The following NXF3 variants were observed in gnomAD, a reference collection of about 807,000 sequenced individuals.
NXF3 encodes the protein TAP-like protein 3.
In NXF3, 34 loss-of-function variants were observed where a neutral mutation model predicts 48.4. That is an observed-to-expected ratio of 0.70 (90% CI 0.53 to 0.93). The LOEUF (loss-of-function observed/expected upper bound fraction) is 0.93. Ranked by LOEUF, NXF3 falls within the 40% of genes least tolerant of loss-of-function variation. The probability of loss-of-function intolerance (pLI) is 0.00; values close to 1 mark genes in which losing one functional copy is unlikely to be tolerated. For missense variants in NXF3, 359 were observed against 406.1 expected (o/e 0.88, Z 1.00); for synonymous variants, 132 against 145.7 (o/e 0.91, Z 0.68).
intron 9 of NXF3, chrX:103,081,342 C>T (rs756907536): frequency 9.0e-6 from 1 of 111,707 alleles, no homozygotes; most frequent in East Asian, 3.0e-4. Flanking sequence ...GGACAGGAGA[C>T]CTTCTCCCGG....
At chrX:103,078,111 T>G (rs1335896990) in intron 17 of NXF3, among the ~76,000 whole-genome samples, 2 of 111,730 alleles carry the variant, frequency 1.8e-5, no homozygotes, top group African/African-American at 6.5e-5. Flanking sequence ...AGGAAAGAAC[T>G]CATACTCTGA....
chrX:103,087,928 C>A lies in NXF3; in HGVS notation c.29-3045G>T, dbSNP rs1329286989. ...TACTAGGAATAAGGCTTTTTGAGCT[C>A]TTTTATTAAAGAAGAGGCATACAGA... On this transcript the variant is annotated intron_variant, in intron 1 of 19. Coordinates refer to ENST00000395065, the MANE Select transcript of NXF3 (RefSeq NM_022052.2). 12 of 940,856 alleles carry A rather than the reference C, an allele frequency of 1.3e-5. No homozygotes were observed. The South Asian group carries it at 2.4e-4, about 19-fold the overall frequency. The allele number at this position is 940,856 out of a possible 1,213,427, so 77.5% of individuals were successfully genotyped here. A position where few individuals can be genotyped will look rare whatever the true frequency, so the allele number is the denominator to read the frequency against.
chrX:103,079,764 G>A lies in NXF3; in HGVS notation c.1159C>T (p.Pro387Ser), dbSNP rs1156725380. ...SIPFNPEDSA[P>S]SSFCKFFKDS... ...CAGGGTCGGAGCTGTGATACTCACG[G>A]GGCTGAGTCCTCAGGATTGAAGGGA... Residue 387 changes from proline (P) to serine (S), a missense_variant and splice_region_variant, in exon 13 of 20, where the codon CCG becomes TCG. Pro to Ser is a moderately conservative substitution (Grantham distance 74, BLOSUM62 -1). Coordinates refer to ENST00000395065, the MANE Select transcript of NXF3 (RefSeq NM_022052.2). 8.3e-7 allele frequency: 1 copy of A among 1,208,903 alleles called. No individual in the cohort carries two copies. The highest frequency in any genetic ancestry group is 1.1e-6 in the Non-Finnish European group (1 of 893,115).
chrX:103,077,541 C>T (rs762148685), intron 18 of NXF3, 73 bp downstream of exon 18: 11 of 1,150,667 alleles, frequency 9.6e-6, no homozygotes, highest in South Asian at 9.4e-5. Flanking sequence ...CGTGAGCCAC[C>T]GCGCCCGGCC....
At position 103,082,346 on chromosome X, in the gene NXF3, T is replaced by A; in HGVS notation, c.799A>T (p.Met267Leu). Residue 267 changes from methionine to leucine, a missense_variant, in exon 9 of 20, where the codon ATG becomes TTG. By Grantham distance (15) the Met-to-Leu change is conservative (BLOSUM62 2). Coordinates refer to ENST00000395065, the MANE Select transcript of NXF3 (RefSeq NM_022052.2). ...GGCTCTATCCCTTTCCACTTGTCCA[T>A]CTCCCCTGCAGACATCACCTGCAAT... ...NIPTVMSAGE[M>L]DKWKGIEPGE... is the part of the protein sequence containing the mutation. 1 of 1,203,670 alleles carries A rather than the reference T, an allele frequency of 8.3e-7. No homozygotes were observed. Among genetic ancestry groups the A allele is most frequent in the Non-Finnish European group, 1.1e-6 (1 of 889,298 alleles).
chrX:103,078,219 C>T (rs1241491239), intron 17 of NXF3, among the ~76,000 whole-genome samples: 1 of 111,562 alleles, frequency 9.0e-6, no homozygotes, highest in Non-Finnish European at 1.9e-5. Flanking sequence ...GCCTCAACCT[C>T]CTGGGCTCAA....
chrX:103,077,417 AT>A (rs1391290421), intron 18 of NXF3, among the ~76,000 whole-genome samples, 196 bp downstream of exon 18: 1 of 108,846 alleles, frequency 9.2e-6, no homozygotes, highest in Non-Finnish European at 1.9e-5. Context: ...CGCCCAGCTA[AT>A]TTTTTTTCTA....
chrX:103,082,087 A>C, intron 9 of NXF3, 168 bp downstream of exon 9: 1 of 473,810 alleles, frequency 2.1e-6, no homozygotes, highest in Non-Finnish European at 3.8e-6. Flanking sequence ...AGAGGAAGGA[A>C]AGGAGATGTC....
rs752914909 is a variant in NXF3 at position 103,079,237 on chromosome X, G to A, written c.1362C>T (p.Asn454=). The A allele has an allele frequency of 2.0e-5, 24 of 1,209,617 alleles. No individual in the cohort carries two copies. The highest frequency in any genetic ancestry group is 2.3e-4 in the Middle Eastern group (1 of 4,349). Residue 454 remains asparagine (N), a synonymous_variant, in exon 16 of 20, where the codon AAC becomes AAT. Coordinates refer to ENST00000395065, the MANE Select transcript of NXF3 (RefSeq NM_022052.2). ...GACACTCACCTTCCTTGAACACCCC[G>A]TTGACAGAAAAGCAGAGCATCCATT... The part of the protein sequence containing the change: ...QTEWMLCFSV[N]GVFKEVEGQS...
At chrX:103,089,185 CA>C in intron 1 of NXF3, 1 of 699,121 alleles carries the variant, frequency 1.4e-6, no homozygotes. Context: ...TGTGGCAAAA[CA>C]TTCCGACAGG....
At chrX:103,081,456 C>T (rs1922008103) in intron 9 of NXF3, 1 of 112,790 alleles carries the variant, frequency 8.9e-6, no homozygotes, top group African/African-American at 3.2e-5. Context: ...CTCCTGTGCC[C>T]CTCTGTGCTG....
At chrX:103,080,847 T>C (rs1921990828) in intron 9 of NXF3, 1 of 412,800 alleles carries the variant, frequency 2.4e-6, no homozygotes, top group Non-Finnish European at 4.3e-6. Flanking sequence ...CTGCAGGGAG[T>C]AGGAAATGGG....
chrX:103,088,373 A>G (rs761474503), intron 1 of NXF3: 17 of 551,525 alleles, frequency 3.1e-5, no homozygotes, highest in Non-Finnish European at 3.1e-6. Context: ...CATGGAACAT[A>G]TAAAACAATT....
At chrX:103,080,341 T>A in intron 10 of NXF3, 125 bp from the exon 11 acceptor site, 1 of 721,539 alleles carries the variant, frequency 1.4e-6, no homozygotes, top group South Asian at 2.6e-5. Flanking sequence ...GGAAATTACG[T>A]GGGCAAGACT....
At position 103,078,577 on chromosome X, in the gene NXF3, G is replaced by A; in HGVS notation, c.1434C>T (p.Thr478=). The change falls in exon 17 of 20, where the codon ACC becomes ACT. Residue 478 remains threonine, a synonymous_variant. Transcript: ENST00000395065. ...VLAFTRTFIA[T]PGSSSSLCIV... ...GCACTAACCTGGAACTGCTGCCAGGGGTAGCAATGAAGGTCCGGGTGAAGG... is the reference window on the plus strand; with the variant it reads ...GCACTAACCTGGAACTGCTGCCAGGAGTAGCAATGAAGGTCCGGGTGAAGG... 2 of 1,212,159 alleles carry A rather than the reference G, an allele frequency of 1.6e-6. No homozygotes were observed. Among genetic ancestry groups the A allele is most frequent in the East Asian group, 3.0e-5 (1 of 33,849 alleles).
At chrX:103,083,300 TAAACACTAGG>T (rs750347417) in intron 5 of NXF3, 27 bp from the exon 6 acceptor site, 3 of 1,190,105 alleles carry the variant, frequency 2.5e-6, no homozygotes, top group Non-Finnish European at 3.4e-6. Context: ...AGGGGCTGAG[TAAACACTAGG>T]AACTCTGACC....
rs1362248322 is a variant in NXF3 at position 103,090,362 on chromosome X, G to A, written c.28+2634C>T. Among the ~76,000 whole-genome samples the A allele has an allele frequency of 7.1e-5, 8 of 111,938 alleles. No homozygotes were observed. The South Asian group carries it at 1.5e-3, about 21-fold the overall frequency. On this transcript the variant is annotated intron_variant, in intron 1 of 19. Transcript: ENST00000395065. ...TTTGATTAGTAAGGTAGTCATTCCTGTAGAGGGATAAGATGCTTGTAGAGT... is the reference window on the plus strand; with the variant it reads ...TTTGATTAGTAAGGTAGTCATTCCTATAGAGGGATAAGATGCTTGTAGAGT...
At position 103,087,496 on chromosome X, in the gene NXF3, C is replaced by A. The variant is rs948240164; in HGVS notation, c.29-2613G>T. 6.9e-6 allele frequency: 7 copies of A among 1,014,301 alleles called. No individual in the cohort carries two copies. In the African/African-American group the frequency reaches 1.3e-4, roughly 19 times the overall value. The allele number at this position is 1,014,301 out of a possible 1,213,427, so 83.6% of individuals were successfully genotyped here. ...TCTGAAGACATTTGTGAAGCACCAA[C>A]AACTTCACAATGAAACCTATCAGAA... On this transcript the variant is annotated intron_variant, in intron 1 of 19. Coordinates refer to ENST00000395065, the MANE Select transcript of NXF3 (RefSeq NM_022052.2).
rs2301387 is a variant in NXF3 at position 103,083,257 on chromosome X, T to A, written c.557A>T (p.Asn186Ile). ...EDNEKISIFV[N>I]PAGIPHFVHR... ...CACAAAGTGGGGTATGCCAGCAGGG[T>A]TGACAAAGATTGATATCTGCAGAGA... Residue 186 changes from asparagine (N) to isoleucine (I), a missense_variant, in exon 6 of 20, where the codon AAC (asparagine) becomes ATC (isoleucine). Asn to Ile is a moderately radical substitution (Grantham distance 149). Coordinates refer to ENST00000395065, the MANE Select transcript of NXF3 (RefSeq NM_022052.2). 544 of 1,208,341 alleles carry A rather than the reference T, an allele frequency of 4.5e-4. 2 individuals are homozygous for A. In the East Asian group the frequency reaches 0.013, roughly 28 times the overall value.
Sources: gnomAD v4.1 joint callset for allele counts (sites outside exome capture counted in the v4.1 genomes callset) on GRCh38, gnomAD v4.1.1 for gene constraint, MANE v1.5 for transcripts, NCBI Gene and HGNC (gene_info 2026-07-23, HGNC 2026-07-21) for gene names.